The following PLEKHA5 variants were observed in gnomAD, a reference collection of about 807,000 sequenced individuals.
PLEKHA5 encodes pleckstrin homology domain-containing family A member 5.
PLEKHA5 carries 55 observed loss-of-function variants against 181.9 expected under a neutral mutation model. The ratio of observed to expected loss-of-function variants is 0.30; its 90% CI spans 0.24 to 0.38. The LOEUF (loss-of-function observed/expected upper bound fraction) is 0.38. Among genes scored for constraint, PLEKHA5 ranks in the 10% least tolerant of loss-of-function variants. The probability of loss-of-function intolerance (pLI) is 1.00; values close to 1 mark genes in which losing one functional copy is unlikely to be tolerated. For synonymous variants in PLEKHA5, 535 were observed against 529.4 expected (o/e 1.01, Z -0.15); for missense variants, 1,432 against 1,549.5 (o/e 0.92, Z 1.27).
chr12:19,186,391 C>G (rs1256249897), intron 3 of PLEKHA5, among the ~76,000 whole-genome samples: 1 of 152,148 alleles, frequency 6.6e-6, no homozygotes, highest in African/African-American at 2.4e-5. Context: ...GTGATTGTTT[C>G]TTTCTGGTCA....
At chr12:19,172,050 TAGA>T (rs1489830002) in intron 3 of PLEKHA5, among the ~76,000 whole-genome samples, 1 of 152,146 alleles carries the variant, frequency 6.6e-6, no homozygotes, top group African/African-American at 2.4e-5. Context: ...TTTTAATAAG[TAGA>T]AGGAGTACAC....
At chr12:19,183,488 TG>T (rs1279992191) in intron 3 of PLEKHA5, among the ~76,000 whole-genome samples, 1 of 152,232 alleles carries the variant, frequency 6.6e-6, no homozygotes, top group Non-Finnish European at 1.5e-5. Flanking sequence ...TTAAGTAGTA[TG>T]TTTAGTGTCA....
chr12:19,173,122 C>G (rs2046367449), intron 3 of PLEKHA5, among the ~76,000 whole-genome samples: 1 of 137,624 alleles, frequency 7.3e-6, no homozygotes, highest in South Asian at 2.5e-4. Context: ...TTCCTGGGTT[C>G]ACGCCATTCT....
intron 3 of PLEKHA5, among the ~76,000 whole-genome samples, chr12:19,248,824 T>C (rs1226044447): frequency 6.6e-6 from 1 of 152,128 alleles, no homozygotes; most frequent in East Asian, 1.9e-4. Context: ...CATGACTGTA[T>C]GGGTAGGCAC....
chr12:19,179,497 A>G (rs1321978147), intron 3 of PLEKHA5, among the ~76,000 whole-genome samples: 1 of 152,074 alleles, frequency 6.6e-6, no homozygotes, highest in African/African-American at 2.4e-5. Flanking sequence ...CGTCTTTACT[A>G]ACAAATAACA....
At chr12:19,328,558 AGTGTGTGTGTGTGTGT>A (rs56041821) in intron 20 of PLEKHA5, among the ~76,000 whole-genome samples, 18 of 141,698 alleles carry the variant, frequency 1.3e-4, no homozygotes, top group Non-Finnish European at 2.2e-4. Flanking sequence ...CTTTCCTAGG[AGTGTGTGTGTGTGTGT>A]GTGTGTGTGT....
At chr12:19,186,761 T>C (rs528826815) in intron 3 of PLEKHA5, among the ~76,000 whole-genome samples, 1 of 152,320 alleles carries the variant, frequency 6.6e-6, no homozygotes, top group African/African-American at 2.4e-5. Flanking sequence ...AACTGAGCTT[T>C]CATCTATAAG....
At position 19,267,793 on chromosome 12, in the gene PLEKHA5, G is replaced by A. The variant is rs2071024233; in HGVS notation, c.711+1943G>A. ...AGCTTGACCAACATGGAAAAACCCT[G>A]TCTCTACTAAAAATACAAAATTAGC... On this transcript the variant is annotated intron_variant, in intron 8 of 31. Transcript: ENST00000429027. 2.0e-5 allele frequency among the ~76,000 whole-genome samples: 3 copies of A among 151,704 alleles called. No individual in the cohort carries two copies. In the South Asian group the frequency reaches 6.3e-4, roughly 32 times the overall value.
chr12:19,186,609 T>C (rs1426319879), intron 3 of PLEKHA5, among the ~76,000 whole-genome samples: 1 of 152,188 alleles, frequency 6.6e-6, no homozygotes, highest in Non-Finnish European at 1.5e-5. Flanking sequence ...AAAGTTTAGA[T>C]TGAAATTGAG....
intron 3 of PLEKHA5, among the ~76,000 whole-genome samples, chr12:19,184,461 G>A (rs1476552064): frequency 6.6e-6 from 1 of 152,134 alleles, no homozygotes; most frequent in Non-Finnish European, 1.5e-5. Context: ...CCTTGCTAGT[G>A]AGTTTATATT....
chr12:19,374,061 T>G (rs960947663), intron 31 of PLEKHA5, among the ~76,000 whole-genome samples: 4 of 152,212 alleles, frequency 2.6e-5, no homozygotes, highest in African/African-American at 4.8e-5. Flanking sequence ...TTGTATTATT[T>G]CATATCTTCC....
chr12:19,253,843 A>C, intron 3 of PLEKHA5, 97 bp from the exon 4 acceptor site: 1 of 829,512 alleles, frequency 1.2e-6, no homozygotes, highest in Non-Finnish European at 2.0e-6. Context: ...AAAGGCTGGA[A>C]GTTTGAATTT....
chr12:19,336,772 C>T (rs1412331457), intron 21 of PLEKHA5, among the ~76,000 whole-genome samples, 156 bp downstream of exon 21: 2 of 152,082 alleles, frequency 1.3e-5, no homozygotes, highest in Admixed American at 6.6e-5. Context: ...ATCTTACTAT[C>T]TCACAAAGGA....
intron 3 of PLEKHA5, among the ~76,000 whole-genome samples, chr12:19,190,136 A>G (rs560341197): frequency 1.1e-4 from 17 of 152,330 alleles, no homozygotes; most frequent in South Asian, 2.1e-4. Context: ...CACCTTTTGA[A>G]AGAAAAAACC....
intron 3 of PLEKHA5, among the ~76,000 whole-genome samples, chr12:19,143,880 CTTTGTTG>C (rs1403088833): frequency 4.6e-5 from 7 of 152,032 alleles, no homozygotes; most frequent in African/African-American, 1.7e-4. Flanking sequence ...TTCCAGGTAA[CTTTGTTG>C]TTTGTGAGTT....
intron 3 of PLEKHA5, among the ~76,000 whole-genome samples, chr12:19,221,096 T>C (rs1170830325): frequency 2.0e-5 from 3 of 152,174 alleles, no homozygotes; most frequent in African/African-American, 7.2e-5. Flanking sequence ...AGTCTCTTAC[T>C]GAAGTTAAAC....
intron 3 of PLEKHA5, among the ~76,000 whole-genome samples, chr12:19,134,996 G>T (rs1262501659): frequency 6.6e-6 from 1 of 152,080 alleles, no homozygotes; most frequent in Non-Finnish European, 1.5e-5. Flanking sequence ...GGGTTATCGG[G>T]GTGGATTTTG....
At chr12:19,286,229 A>G (rs899256636) in intron 12 of PLEKHA5, among the ~76,000 whole-genome samples, 3 of 152,318 alleles carry the variant, frequency 2.0e-5, no homozygotes, top group East Asian at 1.9e-4. Context: ...CACTGAACCA[A>G]TATTTTCCAG....
chr12:19,348,616 T>C (rs1592587667), intron 25 of PLEKHA5, 97 bp downstream of exon 25: 2 of 877,410 alleles, frequency 2.3e-6, no homozygotes, highest in East Asian at 2.8e-5. Flanking sequence ...TTGACTCATA[T>C]ATGAGTCCAA....
Sources: gnomAD v4.1 joint callset for allele counts (sites outside exome capture counted in the v4.1 genomes callset) on GRCh38, gnomAD v4.1.1 for gene constraint, MANE v1.5 for transcripts, NCBI Gene and HGNC (gene_info 2026-07-23, HGNC 2026-07-21) for gene names.